The following AP2A2 variants were observed in gnomAD, a reference collection of about 807,000 sequenced individuals.
AP2A2 encodes the protein adaptor related protein complex 2 subunit alpha 2.
Under a neutral mutation model 104.2 loss-of-function variants are expected in AP2A2, and 32 were observed. That is an observed-to-expected ratio of 0.31 (90% confidence interval 0.23 to 0.41). The LOEUF (loss-of-function observed/expected upper bound fraction) is 0.41, where lower values mean the gene tolerates loss of function less well. Ranked by LOEUF, AP2A2 falls within the 10% of genes least tolerant of loss-of-function variation. The pLI is 1.00. For missense variants in AP2A2, 912 were observed against 1,261.0 expected (o/e 0.72, Z 4.19); for synonymous variants, 539 against 533.3 (o/e 1.01, Z -0.15).
rs111503231 is a variant in AP2A2 at position 933,961 on chromosome 11, C to T, written c.67+7873C>T. 5.3e-5 allele frequency among the ~76,000 whole-genome samples: 8 copies of T among 152,246 alleles called. 1 individual carries two copies. Among genetic ancestry groups the T allele is most frequent in the African/African-American group, 1.9e-4 (8 of 41,526 alleles). On this transcript the variant is annotated intron_variant, in intron 1 of 21. Transcript: ENST00000448903. ...GGAATGGTTGGGGGTATCAAGGCTT[C>T]AGCAGGCTGGGAAGGTGGCAGGAGC...
intron 1 of AP2A2, among the ~76,000 whole-genome samples, 164 bp downstream of exon 1, chr11:926,252 G>T (rs1853117456): frequency 6.9e-6 from 1 of 144,754 alleles, no homozygotes; most frequent in African/African-American, 2.6e-5. Flanking sequence ...TGGGGTACCG[G>T]GTCTGGGGGT....
At position 981,179 on chromosome 11, in the gene AP2A2, T is replaced by C; in HGVS notation, c.604-19T>C. On this transcript the variant is annotated intron_variant, in intron 5 of 21. Coordinates refer to ENST00000448903, the MANE Select transcript of AP2A2 (RefSeq NM_012305.4). The stretch of plus-strand genomic sequence containing the variant: ...TTAGCTTCAAGTGTTCTGACTCTTG[T>C]GTGTGTGTTTTCTTTCAGGGTGTGG... 1.3e-5 allele frequency: 20 copies of C among 1,595,860 alleles called. No individual in the cohort carries two copies. The highest frequency in any genetic ancestry group is 1.7e-5 in the Non-Finnish European group (20 of 1,168,038).
rs746936335 is a variant in AP2A2 at position 985,538 on chromosome 11, T to C, written c.918T>C (p.Asn306=). The C allele has an allele frequency of 8.1e-6, 13 of 1,613,842 alleles. No individual in the cohort carries two copies. The highest frequency in any genetic ancestry group is 1.3e-5 in the African/African-American group (1 of 74,920). ...AGGTCCAGCACTCCAACGCGAAGAATGCCGTGCTCTTCGAGGCCATCAGCT... is the reference window on the plus strand; with the variant it reads ...AGGTCCAGCACTCCAACGCGAAGAACGCCGTGCTCTTCGAGGCCATCAGCT... ...SKKVQHSNAK[N]AVLFEAISLI... The change falls in exon 8 of 22, where the codon AAT becomes AAC. Residue 306 remains asparagine, a synonymous_variant. Coordinates refer to ENST00000448903, the MANE Select transcript of AP2A2 (RefSeq NM_012305.4).
Position 993,486 on chromosome 11 carries a change from G to C in AP2A2, c.1550+105G>C. 2 of 843,216 alleles carry C rather than the reference G, an allele frequency of 2.4e-6. No homozygotes were observed. The highest frequency in any genetic ancestry group is 3.6e-6 in the Non-Finnish European group (2 of 562,732). The allele number at this position is 843,216 out of a possible 1,614,324, so 52.2% of individuals were successfully genotyped here. On this transcript the variant is annotated intron_variant, in intron 12 of 21. Transcript: ENST00000448903. This position sits in a 1 kb window ranked among gnomAD's most constrained non-coding sequence, Gnocchi z 8.2. Reference sequence around the variant, plus strand: ...GCTGGCCCTGCCGTGAGGCCTCGCAGAGCCGCTTCTGCTCCCCATCGGCGT... The same window carrying C: ...GCTGGCCCTGCCGTGAGGCCTCGCACAGCCGCTTCTGCTCCCCATCGGCGT...
rs545488441 is a variant in AP2A2 at position 997,580 on chromosome 11, C to T, written c.1957-2852C>T. The stretch of plus-strand genomic sequence containing the variant: ...TCAGGTACAAATGCCTTTACTAGGG[C>T]AAAGGGCTTTCCTACTTTAGAAAGC... On this transcript the variant is annotated intron_variant, in intron 14 of 21. Coordinates refer to ENST00000448903, the MANE Select transcript of AP2A2 (RefSeq NM_012305.4). Among the ~76,000 whole-genome samples, 3 of 152,294 alleles carry T rather than the reference C, an allele frequency of 2.0e-5. 1 individual carries two copies. Among genetic ancestry groups the T allele is most frequent in the African/African-American group, 7.2e-5 (3 of 41,564 alleles).
intron 1 of AP2A2, among the ~76,000 whole-genome samples, chr11:926,861 A>T (rs1853137175): frequency 1.3e-5 from 2 of 152,136 alleles, no homozygotes; most frequent in Admixed American, 1.3e-4. Context: ...TAAACAAGCC[A>T]GGAAGGCTGG....
chr11:949,139 G>A (rs1323288224), intron 1 of AP2A2, among the ~76,000 whole-genome samples: 1 of 151,784 alleles, frequency 6.6e-6, no homozygotes, highest in Non-Finnish European at 1.5e-5. Context: ...GGATGAGTGT[G>A]GTGGCACGCA....
Position 1,006,531 on chromosome 11 carries a change from G to T in AP2A2, c.2210G>T (p.Arg737Leu). ...AAATTGTTTTTGTTCCTTCTAGGTC[G>T]GATGTTTATCTTTTATGGTAATAAG... ...LKSEFRQNLG[R>L]MFIFYGNKTS... The change falls in exon 17 of 22, where the codon CGG (arginine) becomes CTG (leucine). Residue 737 changes from arginine (R) to leucine (L), a missense_variant. By Grantham distance (102) the Arg-to-Leu change is moderately radical (BLOSUM62 -2). Transcript: ENST00000448903. 6.2e-7 allele frequency: 1 copy of T among 1,612,202 alleles called. No individual in the cohort carries two copies. Among genetic ancestry groups the T allele is most frequent in the Non-Finnish European group, 8.5e-7 (1 of 1,178,720 alleles).
chr11:1,006,961 C>T (rs1856229226), intron 17 of AP2A2: 1 of 222,496 alleles, frequency 4.5e-6, no homozygotes, highest in South Asian at 1.0e-4. Context: ...CCTCACAGAG[C>T]TGCTGCTTGC....
chr11:993,794 C>T lies in AP2A2; in HGVS notation c.1591C>T (p.Leu531=), dbSNP rs768911721. The change falls in exon 13 of 22, where the codon CTG becomes TTG. Residue 531 remains leucine (L), a synonymous_variant. Transcript: ENST00000448903. The surrounding 1 kb of genome is among the most constrained non-coding windows in gnomAD (Gnocchi z 8.2). ...CCACCTGCTGCACTCCAAGTTCCACCTGTGCAGCGTCCCCACCCGCGCGCT... is the reference window on the plus strand; with the variant it reads ...CCACCTGCTGCACTCCAAGTTCCACTTGTGCAGCGTCCCCACCCGCGCGCT... ...QFHLLHSKFH[L]CSVPTRALLL... is the part of the protein sequence containing the mutation. 26 of 1,606,524 alleles carry T rather than the reference C, an allele frequency of 1.6e-5. 1 individual carries two copies. In the African/African-American group the frequency reaches 3.2e-4, roughly 20 times the overall value.
Position 994,143 on chromosome 11 carries a change from G to A in AP2A2, c.1854G>A (p.Lys618=). ...ESSILAKLKK[K]KGPSTVTDLE... ...CCATCTTGGCAAAGCTCAAGAAGAA[G>A]AAGGGCCCCAGCACGGTGACAGACC... Residue 618 remains lysine (K), a synonymous_variant, in exon 14 of 22, where the codon AAG becomes AAA. Coordinates refer to ENST00000448903, the MANE Select transcript of AP2A2 (RefSeq NM_012305.4). The A allele has an allele frequency of 6.2e-7, 1 of 1,613,170 alleles. No homozygotes were observed. Among genetic ancestry groups the A allele is most frequent in the East Asian group, 2.2e-5 (1 of 44,870 alleles).
At chr11:972,328 C>T (rs1055742709) in intron 4 of AP2A2, 73 bp downstream of exon 4, 21 of 1,399,632 alleles carry the variant, frequency 1.5e-5, no homozygotes, top group African/African-American at 2.9e-5. Context: ...AAATATGGAG[C>T]TGCTTAGCCT....
At position 984,648 on chromosome 11, in the gene AP2A2, G is replaced by A. The variant is rs1855387206; in HGVS notation, c.709G>A (p.Val237Met). ...SLAVSRLSRI[V>M]TSASTDLQDY... ...CATTGCCTGTGCTGTCTTACAGATC[G>A]TGACGTCTGCATCCACAGATCTCCA... The change falls in exon 7 of 22, where the codon GTG (valine) becomes ATG (methionine). Residue 237 changes from valine (V) to methionine (M), a missense_variant. This residue lies in a region of AP2A2 where 350 missense variants were observed against 487.0 expected (regional missense o/e 0.72). Transcript: ENST00000448903. The A allele has an allele frequency of 8.1e-6, 13 of 1,610,850 alleles. No individual in the cohort carries two copies. The highest frequency in any genetic ancestry group is 1.7e-4 in the Middle Eastern group (1 of 6,056).
intron 1 of AP2A2, chr11:943,441 A>G: frequency 6.3e-6 from 1 of 159,538 alleles, no homozygotes; most frequent in Non-Finnish European, 1.4e-5. Flanking sequence ...TCAGGGGTCG[A>G]TCTTTAACTA....
chr11:929,601 T>C (rs953477877), intron 1 of AP2A2, among the ~76,000 whole-genome samples: 6 of 152,208 alleles, frequency 3.9e-5, no homozygotes, highest in Admixed American at 1.3e-4. Flanking sequence ...TCCTTTAGCC[T>C]GGGCAATATA....
chr11:1,010,933 C>T lies in AP2A2; in HGVS notation c.*308C>T, dbSNP rs142288191. ...AAGGGAAATTAGAAGTTGGCGTGAACGTGGCGTTTGTGGGAGTGTCACTGA... is the reference window on the plus strand; with the variant it reads ...AAGGGAAATTAGAAGTTGGCGTGAATGTGGCGTTTGTGGGAGTGTCACTGA... On this transcript the variant is annotated 3_prime_UTR_variant, in exon 22 of 22. Transcript: ENST00000448903. The T allele has an allele frequency of 4.3e-5, 31 of 714,200 alleles. No homozygotes were observed. The highest frequency in any genetic ancestry group is 3.5e-4 in the African/African-American group (20 of 57,918). 44.2% of individuals were successfully genotyped at this position (714,200 alleles called of 1,614,324 possible). A position where few individuals can be genotyped will look rare whatever the true frequency, so the allele number is the denominator to read the frequency against.
chr11:944,672 G>C (rs945154756), intron 1 of AP2A2, among the ~76,000 whole-genome samples: 3 of 152,180 alleles, frequency 2.0e-5, no homozygotes, highest in African/African-American at 7.2e-5. Flanking sequence ...ATCAGGGCCG[G>C]CCCTTCTGTG....
rs1856267468 is a variant in AP2A2 at position 1,008,032 on chromosome 11, C to T, written c.2317C>T (p.Pro773Ser). 2 of 1,562,454 alleles carry T rather than the reference C, an allele frequency of 1.3e-6. No homozygotes were observed. The highest frequency in any genetic ancestry group is 1.7e-6 in the Non-Finnish European group (2 of 1,154,006). The change falls in exon 18 of 22, where the codon CCC (proline) becomes TCC (serine). Residue 773 changes from proline (P) to serine (S), a missense_variant. Coordinates refer to ENST00000448903, the MANE Select transcript of AP2A2 (RefSeq NM_012305.4). ...CGCACACCTGAACCTGCAGACCAAG[C>T]CCGTGGACCCGACCGTGGAGGGGGG... ...LQPNLNLQTK[P>S]VDPTVEGGAQ...
chr11:988,805 G>A, intron 10 of AP2A2, 116 bp downstream of exon 10: 2 of 1,341,066 alleles, frequency 1.5e-6, no homozygotes, highest in Non-Finnish European at 1.0e-6. Context: ...CCCATGAGAT[G>A]CTGAATACAA....
Sources: allele counts gnomAD v4.1 joint callset (sites outside exome capture counted in the v4.1 genomes callset), GRCh38; gene constraint gnomAD v4.1.1; regional missense constraint gnomAD v4.1.1; non-coding constraint Gnocchi (gnomAD v3.1); transcripts MANE v1.5; gene names NCBI Gene and HGNC (gene_info 2026-07-23, HGNC 2026-07-21).